TXLNB: variants seen among roughly 807,000 people sequenced by gnomAD.
TXLNB encodes taxilin beta.
In TXLNB, 37 loss-of-function variants were observed where a neutral mutation model predicts 57.4. The observed-to-expected ratio is 0.64, with a 90% CI of 0.50 to 0.85. TXLNB has a LOEUF of 0.85. TXLNB is among the 40% of genes least tolerant of loss of function. TXLNB has a pLI of 0.00. For synonymous variants in TXLNB, 302 were observed against 309.6 expected, an observed-to-expected ratio of 0.98 and a Z score of 0.26; for missense variants, 848 against 825.6, an observed-to-expected ratio of 1.03 and a Z score of -0.33.
the TXLNB span, among the ~76,000 whole-genome samples, chr6:139,193,838 ATATT>A: frequency 1.9e-5 from 1 of 52,762 alleles, no homozygotes; most frequent in African/African-American, 8.1e-5. Context: ...ATATATATAT[ATATT>A]TTTTTTTTTT....
the TXLNB span, among the ~76,000 whole-genome samples, chr6:139,171,531 T>C: frequency 1.3e-5 from 2 of 152,246 alleles, no homozygotes; most frequent in African/African-American, 4.8e-5. Flanking sequence ...TGCCACATCT[T>C]TGAGAAATCC....
At chr6:139,292,438 A>G (rs1005263315), upstream of TXLNB, among the ~76,000 whole-genome samples, 2 of 152,132 alleles carry the variant, frequency 1.3e-5, no homozygotes, top group African/African-American at 4.8e-5. This position sits in a 1 kb window ranked among gnomAD's most constrained non-coding sequence, Gnocchi z 4.0. Context: ...TTCTTCTTGC[A>G]CTAGCTTAAT....
the TXLNB span, among the ~76,000 whole-genome samples, chr6:139,191,019 C>G: frequency 6.6e-6 from 1 of 152,174 alleles, no homozygotes; most frequent in Admixed American, 6.5e-5. Context: ...GGGACAGATA[C>G]AAGAATTGCT....
chr6:139,239,837 CCCTT>C (rs1268537037), downstream of TXLNB, among the ~76,000 whole-genome samples: 1 of 150,032 alleles, frequency 6.7e-6, no homozygotes, highest in African/African-American at 2.5e-5. The surrounding 1 kb of genome is among the most constrained non-coding windows in gnomAD (Gnocchi z 4.7). Context: ...ATTTCTCCCT[CCCTT>C]TCTCTCTCTG....
At chr6:139,176,837 T>C in the TXLNB span, 25 of 705,454 alleles carry the variant, frequency 3.5e-5, no homozygotes, top group African/African-American at 3.7e-4. This position sits in a 1 kb window ranked among gnomAD's most constrained non-coding sequence, Gnocchi z 4.5. Context: ...AAAGGGATGC[T>C]TTGCAAAGCC....
chr6:139,275,637 A>C (rs1373343509), intron 3 of TXLNB, among the ~76,000 whole-genome samples: 1 of 152,236 alleles, frequency 6.6e-6, no homozygotes, highest in Non-Finnish European at 1.5e-5. Flanking sequence ...ATAGTTCAGC[A>C]TAACAGGACA....
chr6:139,255,927 C>A (rs546326970), intron 6 of TXLNB, among the ~76,000 whole-genome samples: 3,536 of 146,534 alleles, frequency 0.024, 101 homozygotes, highest in African/African-American at 0.067. Context: ...AAAAAAAAAA[C>A]CAAAATTAGT....
At chr6:139,244,113 G>A (rs1017578269) in intron 9 of TXLNB, among the ~76,000 whole-genome samples, 4 of 152,230 alleles carry the variant, frequency 2.6e-5, no homozygotes, top group African/African-American at 7.2e-5. Context: ...TGAGATCAGT[G>A]TTTAAATGTC....
At chr6:139,308,599 G>A in the TXLNB span, among the ~76,000 whole-genome samples, 5 of 152,074 alleles carry the variant, frequency 3.3e-5, no homozygotes, top group South Asian at 2.1e-4. Context: ...GGACTATGTC[G>A]TTAGTGGTTG....
the TXLNB span, among the ~76,000 whole-genome samples, chr6:139,229,030 T>C: frequency 1.2e-4 from 19 of 152,304 alleles, no homozygotes; most frequent in Non-Finnish European, 2.1e-4. Flanking sequence ...AGACTGCATG[T>C]ATCCAGGACA....
chr6:139,255,555 T>C lies in TXLNB; in HGVS notation c.1077+9A>G, dbSNP rs1776315117. ...ACAGCACCCCCATGCCTCGTCCACC[T>C]GGCCTCACCTGAGCCTGCAGGACTG... On this transcript the variant is annotated intron_variant, in intron 7 of 9. Coordinates refer to ENST00000358430, the MANE Select transcript of TXLNB (RefSeq NM_153235.4). 1 of 1,613,344 alleles carries C rather than the reference T, an allele frequency of 6.2e-7. No individual in the cohort carries two copies. Among genetic ancestry groups the C allele is most frequent in the Admixed American group, 1.7e-5 (1 of 59,978 alleles).
In TXLNB at chr6:139,260,407, G is replaced by A. The variant is rs772213744; in HGVS notation, c.913C>T (p.Leu305=). Residue 305 remains leucine, a synonymous_variant, in exon 6 of 10, where the codon CTG becomes TTG. Transcript: ENST00000358430. Reference sequence around the variant, plus strand: ...TTTGCATCCACCAGCTTCTGCTGCAGTTCTCTGTGTTTAAATATTTTGTCC... The same window carrying A: ...TTTGCATCCACCAGCTTCTGCTGCAATTCTCTGTGTTTAAATATTTTGTCC... ...HLDKIFKHRE[L]QQKLVDAKLE... 6.2e-7 allele frequency: 1 copy of A among 1,614,044 alleles called. No homozygotes were observed. Among genetic ancestry groups the A allele is most frequent in the South Asian group, 1.1e-5 (1 of 91,074 alleles).
chr6:139,239,818 C>T (rs1343402240), downstream of TXLNB, among the ~76,000 whole-genome samples: 1 of 151,808 alleles, frequency 6.6e-6, no homozygotes, highest in South Asian at 2.1e-4. This position sits in a 1 kb window ranked among gnomAD's most constrained non-coding sequence, Gnocchi z 4.7. Flanking sequence ...TAACTGTAGC[C>T]TCATTGTTAT....
At chr6:139,197,492 C>T in the TXLNB span, among the ~76,000 whole-genome samples, 2 of 152,124 alleles carry the variant, frequency 1.3e-5, no homozygotes, top group Admixed American at 6.6e-5. Context: ...AGGTATGATA[C>T]ATTACAATCA....
the TXLNB span, among the ~76,000 whole-genome samples, chr6:139,228,143 T>G: frequency 6.6e-6 from 1 of 152,214 alleles, no homozygotes; most frequent in Non-Finnish European, 1.5e-5. Context: ...CATTCATGCT[T>G]CTTCTCATCT....
At chr6:139,265,227 T>G (rs1776586622) in intron 4 of TXLNB, among the ~76,000 whole-genome samples, 6 of 152,242 alleles carry the variant, frequency 3.9e-5, no homozygotes, top group Admixed American at 3.9e-4. Context: ...TGTGATATTC[T>G]GACAACAAAT....
At chr6:139,278,049 A>G (rs1213552763) in intron 2 of TXLNB, among the ~76,000 whole-genome samples, 1 of 152,208 alleles carries the variant, frequency 6.6e-6, no homozygotes, top group Admixed American at 6.5e-5. Flanking sequence ...TTTTCTGGAC[A>G]TCCTGTATTT....
In TXLNB at chr6:139,243,107, C is replaced by A. The variant is rs775895449; in HGVS notation, c.1474G>T (p.Glu492Ter). The A allele has an allele frequency of 2.5e-6, 4 of 1,614,182 alleles. No homozygotes were observed. Among genetic ancestry groups the A allele is most frequent in the Non-Finnish European group, 3.4e-6 (4 of 1,180,032 alleles). Reference protein sequence around the residue: ...VSVDQEIDAEEVNSVQTAVKN... With the variant: ...VSVDQEIDAE ...ACGGCGGTTTGGACACTATTAACCT[C>A]CTCTGCGTCAATCTCTTGATCCACA... Residue 492 changes from glutamate (E) to a stop codon, truncating the protein, a stop_gained, in exon 10 of 10, where the codon GAG (glutamate) becomes TAG (stop). Transcript: ENST00000358430. LOFTEE classifies it low-confidence loss of function (END_TRUNC).
intron 8 of TXLNB, among the ~76,000 whole-genome samples, chr6:139,246,240 T>TA (rs1412469792): frequency 6.6e-6 from 1 of 152,234 alleles, no homozygotes; most frequent in Non-Finnish European, 1.5e-5. Context: ...ATTCCAATCT[T>TA]AAAATGCTAG....
Sources: gnomAD v4.1 joint callset for allele counts (sites outside exome capture counted in the v4.1 genomes callset) on GRCh38, gnomAD v4.1.1 for gene constraint, Gnocchi (gnomAD v3.1) non-coding constraint, MANE v1.5 for transcripts, NCBI Gene and HGNC (gene_info 2026-07-23, HGNC 2026-07-21) for gene names.